ANKRD11: variants seen among roughly 807,000 people sequenced by gnomAD.
ANKRD11 encodes the protein ankyrin repeat domain 11.
Under a neutral mutation model 195.7 loss-of-function variants are expected in ANKRD11, and 17 were observed. That is an observed-to-expected ratio of 0.09 (90% CI 0.06 to 0.13). The LOEUF (loss-of-function observed/expected upper bound fraction) is 0.13, where lower values mean the gene tolerates loss of function less well. ANKRD11 is among the 10% of genes least tolerant of loss of function. ANKRD11 has a pLI of 1.00. For missense variants in ANKRD11, 3,735 were observed against 3,566.1 expected (o/e 1.05, Z -1.21); for synonymous variants, 1,953 against 1,528.1 (o/e 1.28, Z -6.49).
intron 1 of ANKRD11, among the ~76,000 whole-genome samples, chr16:89,468,565 C>T (rs1171295902): frequency 4.6e-5 from 7 of 152,072 alleles, no homozygotes; most frequent in Non-Finnish European, 7.4e-5. Flanking sequence ...ATTAGCCGAG[C>T]GCGGTGGCAC....
At chr16:89,410,230 C>A (rs1161324709) in intron 2 of ANKRD11, among the ~76,000 whole-genome samples, 1 of 152,168 alleles carries the variant, frequency 6.6e-6, no homozygotes, top group Non-Finnish European at 1.5e-5. Context: ...CCGGTGGGTA[C>A]GGCCCTTTGA....
chr16:89,458,991 C>G (rs1446579329), intron 1 of ANKRD11: 1 of 152,684 alleles, frequency 6.5e-6, no homozygotes, highest in African/African-American at 2.4e-5. Context: ...ATGAAAGAAC[C>G]CAGATTCACA....
chr16:89,414,642 G>C (rs1336070656), intron 2 of ANKRD11, among the ~76,000 whole-genome samples: 1 of 152,214 alleles, frequency 6.6e-6, no homozygotes, highest in East Asian at 1.9e-4. Flanking sequence ...CTGAGGCTCG[G>C]AGAGTGGAAG....
At chr16:89,403,279 ATGT>A (rs1306874963) in intron 2 of ANKRD11, among the ~76,000 whole-genome samples, 2 of 152,264 alleles carry the variant, frequency 1.3e-5, no homozygotes, top group Non-Finnish European at 2.9e-5. Context: ...AGCCACGCAC[ATGT>A]TGTGAGCAAT....
chr16:89,384,553 A>ATGGGT (rs369238664), intron 2 of ANKRD11, among the ~76,000 whole-genome samples: 1 of 150,692 alleles, frequency 6.6e-6, no homozygotes, highest in Non-Finnish European at 1.5e-5. Flanking sequence ...ATGGGATGGG[A>ATGGGT]TGGGAATGGG....
At chr16:89,396,234 G>GATT (rs1414325323) in intron 2 of ANKRD11, among the ~76,000 whole-genome samples, 1 of 152,218 alleles carries the variant, frequency 6.6e-6, no homozygotes, top group Non-Finnish European at 1.5e-5. Context: ...TTCTGATGTA[G>GATT]TAAAATCAAG....
intron 1 of ANKRD11, chr16:89,489,223 A>ACG (rs1555604487): frequency 2.9e-5 from 3 of 104,240 alleles, no homozygotes; most frequent in South Asian, 2.8e-4. Context: ...ACACACACAC[A>ACG]CACGCGCGCG....
chr16:89,405,881 C>T (rs946173991), intron 2 of ANKRD11, among the ~76,000 whole-genome samples: 4 of 152,136 alleles, frequency 2.6e-5, no homozygotes, highest in South Asian at 2.1e-4. Flanking sequence ...GAGCCAACGC[C>T]GGCAGATCAC....
At chr16:89,368,371 G>GTGTT (rs2040040256) in intron 2 of ANKRD11, among the ~76,000 whole-genome samples, 1 of 56,596 alleles carries the variant, frequency 1.8e-5, no homozygotes, top group African/African-American at 4.8e-5. Flanking sequence ...TAATTTTTGT[G>GTGTT]TTTTTTTTTT....
At chr16:89,440,422 C>A (rs1340210066) in intron 1 of ANKRD11, among the ~76,000 whole-genome samples, 1 of 152,070 alleles carries the variant, frequency 6.6e-6, no homozygotes, top group Non-Finnish European at 1.5e-5. Flanking sequence ...GCCTGAGCAA[C>A]ACACTGAAAC....
At chr16:89,407,765 G>A (rs895600466) in intron 2 of ANKRD11, among the ~76,000 whole-genome samples, 3 of 149,754 alleles carry the variant, frequency 2.0e-5, no homozygotes, top group Non-Finnish European at 3.0e-5. Context: ...CAGGAGGATC[G>A]CTTGAGCCCA....
intron 2 of ANKRD11, among the ~76,000 whole-genome samples, chr16:89,358,638 G>C (rs1270454011): frequency 2.6e-5 from 4 of 152,052 alleles, no homozygotes. Flanking sequence ...GAATGACTAA[G>C]ATTTCAACTG....
At chr16:89,382,015 C>A (rs2040679379) in intron 2 of ANKRD11, among the ~76,000 whole-genome samples, 1 of 152,168 alleles carries the variant, frequency 6.6e-6, no homozygotes, top group Non-Finnish European at 1.5e-5. Context: ...ACAAACCGTG[C>A]AAGCAGCCAG....
rs2034653615 is a variant in ANKRD11 at position 89,286,451 on chromosome 16, G to T, written c.745-265C>A. ...CTGTGCTCTCCTTCAGAAGGGCTCT[G>T]CCTCCTTTGGATTTTTTTCCACCAT... On this transcript the variant is annotated intron_variant, in intron 7 of 12. Transcript: ENST00000301030. The T allele has an allele frequency of 6.8e-6, 4 of 589,554 alleles. No individual in the cohort carries two copies. In the South Asian group the frequency reaches 7.9e-5, roughly 12 times the overall value. 36.5% of individuals were successfully genotyped at this position (589,554 alleles called of 1,614,324 possible). A position where few individuals can be genotyped will look rare whatever the true frequency, so the allele number is the denominator to read the frequency against.
At chr16:89,433,462 A>G (rs2043083591) in intron 1 of ANKRD11, among the ~76,000 whole-genome samples, 1 of 152,236 alleles carries the variant, frequency 6.6e-6, no homozygotes, top group South Asian at 2.1e-4. Flanking sequence ...GCTTTCAAAC[A>G]TACTATTCAG....
intron 2 of ANKRD11, among the ~76,000 whole-genome samples, chr16:89,394,227 T>C (rs1309577136): frequency 6.6e-6 from 1 of 152,232 alleles, no homozygotes; most frequent in East Asian, 1.9e-4. Flanking sequence ...GGGCACGTTC[T>C]GGGACTGCAG....
Position 89,282,846 on chromosome 16 carries a change from C to A in ANKRD11, c.3696G>T (p.Lys1232Asn). ...DRASVDSTQD[K>N]KNKQKLPEKA... ...TCTCGGGGAGCTTCTGTTTATTTTTCTTATCTTGCGTGGAGTCCACTGAGG... is the reference window on the plus strand; with the variant it reads ...TCTCGGGGAGCTTCTGTTTATTTTTATTATCTTGCGTGGAGTCCACTGAGG... The change falls in exon 9 of 13, where the codon AAG becomes AAT. Residue 1232 changes from lysine to asparagine, a missense_variant. Physicochemically the swap from Lys to Asn is moderately conservative, Grantham distance 94. Transcript: ENST00000301030. 6.2e-7 allele frequency: 1 copy of A among 1,611,980 alleles called. No individual in the cohort carries two copies. Among genetic ancestry groups the A allele is most frequent in the Non-Finnish European group, 8.5e-7 (1 of 1,179,994 alleles).
intron 1 of ANKRD11, among the ~76,000 whole-genome samples, chr16:89,474,992 CCTCTCCTCACCCCTGCT>C (rs1305728072): frequency 6.6e-6 from 1 of 152,188 alleles, no homozygotes; most frequent in Non-Finnish European, 1.5e-5. Flanking sequence ...CCACCCCTGC[CCTCTCCTCACCCCTGCT>C]GGTGCAGTGA....
chr16:89,459,027 T>G (rs1010952010), intron 1 of ANKRD11: 1 of 155,926 alleles, frequency 6.4e-6, no homozygotes, highest in Non-Finnish European at 1.4e-5. Flanking sequence ...AAAACTATAC[T>G]AAACAAGGGA....
Sources: allele counts gnomAD v4.1 joint callset (sites outside exome capture counted in the v4.1 genomes callset), GRCh38; gene constraint gnomAD v4.1.1; transcripts MANE v1.5; gene names NCBI Gene and HGNC (gene_info 2026-07-23, HGNC 2026-07-21).